RBM20: variants seen among roughly 807,000 people sequenced by gnomAD.
RBM20 encodes the protein RNA-binding protein 20.
Under a neutral mutation model 110.1 loss-of-function variants are expected in RBM20, and 51 were observed. The ratio of observed to expected loss-of-function variants is 0.46; its 90% confidence interval spans 0.37 to 0.59. The LOEUF (loss-of-function observed/expected upper bound fraction) is 0.59. Ranked by LOEUF, RBM20 falls within the 20% of genes least tolerant of loss-of-function variation. RBM20 has a pLI of 0.00. For missense variants in RBM20, 1,512 were observed against 1,574.9 expected, an observed-to-expected ratio of 0.96 and a Z score of 0.68; for synonymous variants, 589 against 618.2, an observed-to-expected ratio of 0.95 and a Z score of 0.70.
intron 1 of RBM20, among the ~76,000 whole-genome samples, chr10:110,687,321 A>G: frequency 6.6e-6 from 1 of 152,220 alleles, no homozygotes; most frequent in East Asian, 1.9e-4. Context: ...AGTCCAATCA[A>G]TGTGATTTAA....
In RBM20 at chr10:110,808,953, G is replaced by T. The variant is rs536979035; in HGVS notation, c.1801-1430G>T. On this transcript the variant is annotated intron_variant, in intron 7 of 13. Transcript: ENST00000369519. ...GATTTAGCTGGGCGTGGTGGTTCAT[G>T]CCTGTAATCCCTGCACTTTGAGAGG... 4.0e-4 allele frequency among the ~76,000 whole-genome samples: 61 copies of T among 152,188 alleles called. No individual in the cohort carries two copies. In the South Asian group the frequency reaches 0.012, roughly 31 times the overall value.
intron 1 of RBM20, among the ~76,000 whole-genome samples, chr10:110,756,269 A>G (rs1843919565): frequency 6.6e-6 from 1 of 152,246 alleles, no homozygotes; most frequent in African/African-American, 2.4e-5. Flanking sequence ...TATAATCAAC[A>G]TGAGGAAAAG....
In RBM20 at chr10:110,778,667, C is replaced by T. The variant is rs528008532; in HGVS notation, c.192-2134C>T. On this transcript the variant is annotated intron_variant, in intron 1 of 13. Coordinates refer to ENST00000369519, the MANE Select transcript of RBM20 (RefSeq NM_001134363.3). ...AGTCCCCTTCTTCCCATTCAAATGT[C>T]CCAGAATTCCAGTTCATCAACATCC... Among the ~76,000 whole-genome samples, 16 of 152,360 alleles carry T rather than the reference C, an allele frequency of 1.1e-4. No individual in the cohort carries two copies. In the South Asian group the frequency reaches 2.9e-3, roughly 28 times the overall value.
chr10:110,786,592 ACTCTG>A (rs796300402), intron 5 of RBM20, among the ~76,000 whole-genome samples: 9 of 152,312 alleles, frequency 5.9e-5, no homozygotes, highest in African/African-American at 2.2e-4. Context: ...CCCTCTCTGC[ACTCTG>A]CTCGCTCAGA....
At chr10:110,713,943 ATT>A (rs1225771017) in intron 1 of RBM20, among the ~76,000 whole-genome samples, 1 of 152,216 alleles carries the variant, frequency 6.6e-6, no homozygotes, top group African/African-American at 2.4e-5. Flanking sequence ...GACTGATAAT[ATT>A]CAGATGTATT....
At chr10:110,717,478 C>A (rs1450349694) in intron 1 of RBM20, among the ~76,000 whole-genome samples, 1 of 152,150 alleles carries the variant, frequency 6.6e-6, no homozygotes, top group East Asian at 1.9e-4. Flanking sequence ...CCCCAAGAAC[C>A]CCCTTCAGTT....
intron 1 of RBM20, among the ~76,000 whole-genome samples, chr10:110,749,272 T>C (rs1843823391): frequency 6.6e-6 from 1 of 152,234 alleles, no homozygotes; most frequent in Admixed American, 6.5e-5. Context: ...GTTGCTTACC[T>C]CTTTTATTAT....
At chr10:110,814,498 GT>G (rs879506869) in intron 9 of RBM20, among the ~76,000 whole-genome samples, 19 of 145,612 alleles carry the variant, frequency 1.3e-4, no homozygotes, top group Admixed American at 1.4e-4. Flanking sequence ...GTTTTGTTTT[GT>G]TTTTTTTTTT....
chr10:110,819,511 T>A (rs1844881304), intron 9 of RBM20, among the ~76,000 whole-genome samples: 1 of 152,130 alleles, frequency 6.6e-6, no homozygotes, highest in South Asian at 2.1e-4. Flanking sequence ...TGCGCACTAC[T>A]GTGAGGGTCC....
At chr10:110,656,170 T>C (rs1002277541) in intron 1 of RBM20, among the ~76,000 whole-genome samples, 2 of 152,010 alleles carry the variant, frequency 1.3e-5, no homozygotes, top group East Asian at 3.9e-4. Flanking sequence ...GGCGTGGTGG[T>C]GGGCGCCTGA....
chr10:110,660,094 A>T (rs1862080955), intron 1 of RBM20, among the ~76,000 whole-genome samples: 1 of 152,180 alleles, frequency 6.6e-6, no homozygotes. Flanking sequence ...CTGGGATTAT[A>T]GGTGTGAGTG....
chr10:110,770,221 TCTC>T (rs1844169142), intron 1 of RBM20, among the ~76,000 whole-genome samples: 1 of 152,010 alleles, frequency 6.6e-6, no homozygotes, highest in Non-Finnish European at 1.5e-5. Context: ...TTTAGGAAGT[TCTC>T]CTCTCCGGGT....
intron 1 of RBM20, among the ~76,000 whole-genome samples, chr10:110,713,738 C>T (rs1346860288): frequency 6.6e-6 from 1 of 152,154 alleles, no homozygotes; most frequent in African/African-American, 2.4e-5. Context: ...AGGTAGAGCA[C>T]ATCTGACCTC....
chr10:110,680,873 G>C (rs147552819), intron 1 of RBM20, among the ~76,000 whole-genome samples: 1 of 151,982 alleles, frequency 6.6e-6, no homozygotes, highest in Non-Finnish European at 1.5e-5. Flanking sequence ...TGTTTCTCTC[G>C]TGTGCTCCCC....
intron 12 of RBM20, among the ~76,000 whole-genome samples, chr10:110,826,807 G>A (rs375497330): frequency 1.1e-3 from 161 of 151,870 alleles, no homozygotes; most frequent in African/African-American, 3.6e-3. Flanking sequence ...GAACTGTTGG[G>A]GTCTTGAACT....
In RBM20 at chr10:110,699,594, C is replaced by T. The variant is rs952367988; in HGVS notation, c.191+54949C>T. 1.5e-4 allele frequency among the ~76,000 whole-genome samples: 23 copies of T among 151,928 alleles called. No homozygotes were observed. In the East Asian group the frequency reaches 2.7e-3, roughly 18 times the overall value. On this transcript the variant is annotated intron_variant, in intron 1 of 13. Coordinates refer to ENST00000369519, the MANE Select transcript of RBM20 (RefSeq NM_001134363.3). ...GCCGTTTAAAAAAACAAAACAACAA[C>T]AAAAAACAAAAAAAACCAAACCTGC...
chr10:110,781,027 C>A lies in RBM20; in HGVS notation c.418C>A (p.Pro140Thr), dbSNP rs1416612925. 7.1e-6 allele frequency: 11 copies of A among 1,551,834 alleles called. No homozygotes were observed. The highest frequency in any genetic ancestry group is 9.6e-6 in the Non-Finnish European group (11 of 1,147,062). Residue 140 changes from proline to threonine, a missense_variant, in exon 2 of 14, where the codon CCG becomes ACG. Around this residue, in one of 3 missense-constraint regions of RBM20, gnomAD observed 1,149 missense variants for 1,169.4 expected, o/e 0.98. Transcript: ENST00000369519. ...GCCTCTCTTCAATCAACTGAGGCAT[C>A]CGTCTGTGATCACTGGCCCCCACGG... ...SQPLFNQLRH[P>T]SVITGPHGHA...
chr10:110,815,511 G>A (rs1181488344), intron 9 of RBM20, among the ~76,000 whole-genome samples: 9 of 152,214 alleles, frequency 5.9e-5, no homozygotes, highest in Non-Finnish European at 1.3e-4. Context: ...GTGCTTGGAG[G>A]TGTCCAAGTT....
intron 1 of RBM20, among the ~76,000 whole-genome samples, chr10:110,694,516 G>A (rs1346037176): frequency 6.6e-6 from 1 of 152,160 alleles, no homozygotes; most frequent in Non-Finnish European, 1.5e-5. Context: ...AGTGAAAGCT[G>A]ATATTCTCTC....
Sources: allele counts gnomAD v4.1 joint callset (sites outside exome capture counted in the v4.1 genomes callset), GRCh38; gene constraint gnomAD v4.1.1; regional missense constraint gnomAD v4.1.1; transcripts MANE v1.5; gene names NCBI Gene and HGNC (gene_info 2026-07-23, HGNC 2026-07-21).